Variants in SPAG6 observed in about 807,000 individuals in gnomAD.
SPAG6 encodes sperm associated antigen 6.
Under a neutral mutation model 58.5 loss-of-function variants are expected in SPAG6, and 49 were observed. The observed-to-expected ratio is 0.84, with a 90% CI of 0.67 to 1.06. The LOEUF (loss-of-function observed/expected upper bound fraction) is 1.06. Ranked by LOEUF, SPAG6 falls within the 50% of genes least tolerant of loss-of-function variation. The probability of loss-of-function intolerance (pLI) is 0.00; values close to 1 mark genes in which losing one functional copy is unlikely to be tolerated. For missense variants in SPAG6, 560 were observed against 611.3 expected (o/e 0.92, Z 0.89); for synonymous variants, 233 against 225.6 (o/e 1.03, Z -0.29).
intron 9 of SPAG6, among the ~76,000 whole-genome samples, chr10:22,409,907 C>G (rs1447116142): frequency 6.6e-6 from 1 of 152,136 alleles, no homozygotes; most frequent in African/African-American, 2.4e-5. Context: ...GCCTTTAGTT[C>G]TATCCTACCG....
chr10:22,408,680 A>G (rs1042281081), intron 9 of SPAG6, among the ~76,000 whole-genome samples: 31 of 152,092 alleles, frequency 2.0e-4, no homozygotes, highest in Non-Finnish European at 3.1e-4. Flanking sequence ...GGAGCTTCCC[A>G]GCTGCTTTGT....
chr10:22,355,118 C>T (rs113736212), intron 2 of SPAG6, among the ~76,000 whole-genome samples: 4 of 152,124 alleles, frequency 2.6e-5, no homozygotes, highest in Non-Finnish European at 5.9e-5. Flanking sequence ...ATTCAACAGA[C>T]TATATACCCT....
At chr10:22,370,724 A>G (rs1833664370) in intron 4 of SPAG6, among the ~76,000 whole-genome samples, 1 of 152,248 alleles carries the variant, frequency 6.6e-6, no homozygotes, top group Non-Finnish European at 1.5e-5. Flanking sequence ...TTATTTTCTT[A>G]AATCTAGATT....
chr10:22,384,066 G>C (rs1396158984), intron 4 of SPAG6, among the ~76,000 whole-genome samples: 1 of 152,172 alleles, frequency 6.6e-6, no homozygotes, highest in Non-Finnish European at 1.5e-5. Flanking sequence ...TCAGAGTAAG[G>C]GCAGTTCCAA....
chr10:22,413,971 G>A (rs1170531466), intron 10 of SPAG6, among the ~76,000 whole-genome samples: 1 of 151,858 alleles, frequency 6.6e-6, no homozygotes, highest in African/African-American at 2.4e-5. Context: ...ATTTCATACT[G>A]CCTTCCGATT....
intron 4 of SPAG6, among the ~76,000 whole-genome samples, chr10:22,374,983 A>G (rs1277107290): frequency 6.6e-6 from 1 of 152,230 alleles, no homozygotes; most frequent in African/African-American, 2.4e-5. Flanking sequence ...TAACGCCTAC[A>G]ATTCTTTTAG....
intron 4 of SPAG6, among the ~76,000 whole-genome samples, chr10:22,371,022 C>T (rs11012968): frequency 0.011 from 1,634 of 152,202 alleles, 13 homozygotes; most frequent in Middle Eastern, 0.024. Context: ...AGTTCATAAA[C>T]AGGATCTGTC....
chr10:22,411,366 C>G (rs1032763756), intron 10 of SPAG6, 190 bp downstream of exon 10: 74 of 462,130 alleles, frequency 1.6e-4, no homozygotes, highest in Non-Finnish European at 1.7e-4. Flanking sequence ...ACGCACATTT[C>G]CAATTCAAAC....
At chr10:22,378,239 T>C (rs1833868226) in intron 4 of SPAG6, among the ~76,000 whole-genome samples, 1 of 151,696 alleles carries the variant, frequency 6.6e-6, no homozygotes. Flanking sequence ...AATTTTTGTA[T>C]TTTTAGTAGA....
chr10:22,393,402 G>T lies in SPAG6; in HGVS notation c.1197+1482G>T, dbSNP rs901510434. On this transcript the variant is annotated intron_variant, in intron 8 of 10. Transcript: ENST00000376624. ...GAAGCCCTTGCAAATAGTCCCTTAG[G>T]TAAGAGTATGTACTTTTTATATACT... Among the ~76,000 whole-genome samples, 4 of 152,036 alleles carry T rather than the reference G, an allele frequency of 2.6e-5. No individual in the cohort carries two copies. The East Asian group carries it at 7.7e-4, about 29-fold the overall frequency.
chr10:22,355,630 A>G (rs888667632), intron 2 of SPAG6, among the ~76,000 whole-genome samples: 5 of 152,216 alleles, frequency 3.3e-5, no homozygotes, highest in Admixed American at 1.3e-4. Context: ...GATAAATTAC[A>G]AGACTTTTTG....
chr10:22,378,151 C>T (rs1300802166), intron 4 of SPAG6, among the ~76,000 whole-genome samples: 5 of 150,618 alleles, frequency 3.3e-5, no homozygotes, highest in African/African-American at 1.2e-4. Flanking sequence ...GCAACCTCCG[C>T]CTCCTGGGTT....
chr10:22,354,012 C>A (rs957206552), intron 2 of SPAG6, among the ~76,000 whole-genome samples: 6 of 152,132 alleles, frequency 3.9e-5, no homozygotes, highest in Non-Finnish European at 7.4e-5. Context: ...AGAGGAGAGT[C>A]AGTCATGGTT....
intron 9 of SPAG6, among the ~76,000 whole-genome samples, chr10:22,403,356 T>C (rs923875755): frequency 6.6e-6 from 1 of 151,146 alleles, no homozygotes; most frequent in African/African-American, 2.4e-5. Flanking sequence ...CATTGTTCAA[T>C]TCCCACCTAT....
At chr10:22,401,859 A>G (rs1193029005) in intron 9 of SPAG6, among the ~76,000 whole-genome samples, 2 of 152,346 alleles carry the variant, frequency 1.3e-5, no homozygotes, top group Non-Finnish European at 2.9e-5. Flanking sequence ...ACCAATAGCA[A>G]AGGATAAAAG....
intron 10 of SPAG6, among the ~76,000 whole-genome samples, chr10:22,414,689 T>C (rs1237613722): frequency 6.6e-6 from 1 of 152,242 alleles, no homozygotes; most frequent in Non-Finnish European, 1.5e-5. Flanking sequence ...ATTCAGTTAT[T>C]GGAAAACTTT....
chr10:22,399,435 C>G (rs2132100867), intron 8 of SPAG6, among the ~76,000 whole-genome samples: 1 of 152,308 alleles, frequency 6.6e-6, no homozygotes, highest in African/African-American at 2.4e-5. Flanking sequence ...TGCCTGGCCT[C>G]TTTCACTAAG....
chr10:22,408,748 TTCAGTTTGATC>T, intron 9 of SPAG6, among the ~76,000 whole-genome samples: 1 of 152,344 alleles, frequency 6.6e-6, no homozygotes, highest in East Asian at 1.9e-4. Flanking sequence ...GCTGCCGCCT[TTCAGTTTGATC>T]TCAGACTGCT....
chr10:22,391,885 A>C lies in SPAG6; in HGVS notation c.1162A>C (p.Met388Leu). 6.2e-7 allele frequency: 1 copy of C among 1,613,242 alleles called. No individual in the cohort carries two copies. The highest frequency in any genetic ancestry group is 8.5e-7 in the Non-Finnish European group (1 of 1,179,558). The change falls in exon 8 of 11, where the codon ATG becomes CTG. Residue 388 changes from methionine (M) to leucine (L), a missense_variant. By Grantham distance (15) the Met-to-Leu change is conservative. Coordinates refer to ENST00000376624, the MANE Select transcript of SPAG6 (RefSeq NM_012443.4). Reference protein sequence around the residue: ...NTLPVLLSLYMSTESSEDLQV... With the variant: ...NTLPVLLSLYLSTESSEDLQV... ...TTTGCCAGTTCTGCTTTCTTTGTACATGTCAACAGAAAGTTCTGAGGATCT... is the reference window on the plus strand; with the variant it reads ...TTTGCCAGTTCTGCTTTCTTTGTACCTGTCAACAGAAAGTTCTGAGGATCT...
Sources: gnomAD v4.1 joint callset for allele counts (sites outside exome capture counted in the v4.1 genomes callset) on GRCh38, gnomAD v4.1.1 for gene constraint, MANE v1.5 for transcripts, NCBI Gene and HGNC (gene_info 2026-07-23, HGNC 2026-07-21) for gene names.